The following CD226 variants were observed in gnomAD, a reference collection of about 807,000 sequenced individuals.
The protein encoded by CD226 is CD226 molecule.
In CD226, 24 loss-of-function variants were observed where a neutral mutation model predicts 34.9. The ratio of observed to expected loss-of-function variants is 0.69; its 90% CI spans 0.50 to 0.97. The LOEUF (loss-of-function observed/expected upper bound fraction) is 0.97. Among genes scored for constraint, CD226 ranks in the 50% least tolerant of loss-of-function variants. The pLI, the probability that CD226 is intolerant of heterozygous loss-of-function variation, is 0.00. For missense variants in CD226, 397 were observed against 412.7 expected, an observed-to-expected ratio of 0.96 and a Z score of 0.33; for synonymous variants, 148 against 147.4, an observed-to-expected ratio of 1.00 and a Z score of -0.03.
At chr18:69,900,733 C>A (rs1282792188) in intron 2 of CD226, among the ~76,000 whole-genome samples, 1 of 123,194 alleles carries the variant, frequency 8.1e-6, no homozygotes. Context: ...AGCGAGACTC[C>A]GTCTCAAAAA....
Position 69,901,781 on chromosome 18 carries a change from A to G in CD226, c.383-5736T>C, listed in dbSNP as rs573150952. On this transcript the variant is annotated intron_variant, in intron 2 of 5. Transcript: ENST00000582621. ...GTAGTCCCAGCTACTCAGGAGGCTG[A>G]GGCAGAAGAATGGCGTGAACCCGGG... Among the ~76,000 whole-genome samples the G allele has an allele frequency of 1.1e-3, 164 of 152,062 alleles. 1 individual carries two copies. The highest frequency in any genetic ancestry group is 3.8e-3 in the African/African-American group (158 of 41,468).
intron 2 of CD226, among the ~76,000 whole-genome samples, chr18:69,925,339 A>G (rs1010949040): frequency 5.9e-5 from 9 of 152,236 alleles, no homozygotes; most frequent in Admixed American, 6.5e-5. Context: ...ATGCAGAATG[A>G]TCTCTGCAAA....
At chr18:69,879,155 G>C (rs1261051949) in intron 3 of CD226, among the ~76,000 whole-genome samples, 1 of 152,152 alleles carries the variant, frequency 6.6e-6, no homozygotes, top group Non-Finnish European at 1.5e-5. Context: ...TCACAGGATG[G>C]GGTGAAATTA....
rs1406397821 is a variant in CD226, at chr18:69,860,968, C to G, written c.*3346G>C. 2 of 152,142 alleles carry G rather than the reference C, an allele frequency of 1.3e-5. No homozygotes were observed. Among genetic ancestry groups the G allele is most frequent in the South Asian group, 2.1e-4 (1 of 4,820 alleles). The allele number at this position is 152,142 out of a possible 1,614,324, so 9.4% of individuals were successfully genotyped here. The stretch of plus-strand genomic sequence containing the variant: ...AAATCAAGGAGAAGCATTTTGGTCA[C>G]AGTGATCTCTAATTACAATGTGGAC... On this transcript the variant is annotated 3_prime_UTR_variant, in exon 6 of 6. Transcript: ENST00000582621.
At chr18:69,934,137 T>C (rs77046844) in intron 2 of CD226, among the ~76,000 whole-genome samples, 3,651 of 152,270 alleles carry the variant, frequency 0.024, 140 homozygotes, top group African/African-American at 0.082. Flanking sequence ...GAAAAAGGTA[T>C]ACATTCAACT....
intron 2 of CD226, among the ~76,000 whole-genome samples, chr18:69,900,844 T>G (rs1450457288): frequency 6.6e-6 from 1 of 152,200 alleles, no homozygotes; most frequent in African/African-American, 2.4e-5. Context: ...GCATGTATTT[T>G]TATTGATTTT....
At chr18:69,917,482 C>A (rs776666877) in intron 2 of CD226, among the ~76,000 whole-genome samples, 52 of 152,260 alleles carry the variant, frequency 3.4e-4, no homozygotes, top group Middle Eastern at 3.4e-3. Context: ...GGTTACACAC[C>A]CCCCCAACAC....
intron 2 of CD226, among the ~76,000 whole-genome samples, chr18:69,932,673 T>A (rs953549472): frequency 2.0e-5 from 3 of 152,230 alleles, no homozygotes; most frequent in African/African-American, 7.2e-5. Flanking sequence ...GCTAACAGCA[T>A]GACCACGCTT....
At chr18:69,937,611 T>C (rs187979684) in intron 2 of CD226, among the ~76,000 whole-genome samples, 57 of 152,324 alleles carry the variant, frequency 3.7e-4, no homozygotes, top group African/African-American at 1.4e-3. Context: ...CACTGAACAT[T>C]ACATTGTACA....
In CD226 at chr18:69,858,718, C is replaced by CTTTTTTTTTTTTTTTTTT. The variant is rs71178826; in HGVS notation, c.*5578_*5595dup. On this transcript the variant is annotated 3_prime_UTR_variant, in exon 6 of 6. Transcript: ENST00000582621. ...GCCACCCCTATGTTCAAATACTTAACTTTTTTTTTTTTTTTTTTTTTTTTT... is the reference window on the plus strand; with the variant it reads ...GCCACCCCTATGTTCAAATACTTAACTTTTTTTTTTTTTTTTTTTTTTTTTTTTTTTTTTTTTTTTTTT... 12 of 44,974 alleles carry CTTTTTTTTTTTTTTTTTT rather than the reference C, an allele frequency of 2.7e-4. 5 individuals are homozygous for CTTTTTTTTTTTTTTTTTT. The highest frequency in any genetic ancestry group is 1.2e-3 in the East Asian group (2 of 1,638). 2.8% of individuals were successfully genotyped at this position (44,974 alleles called of 1,614,324 possible).
chr18:69,901,841 T>C (rs974585993), intron 2 of CD226, among the ~76,000 whole-genome samples: 6 of 150,446 alleles, frequency 4.0e-5, no homozygotes, highest in African/African-American at 1.2e-4. Context: ...ATCGCACCAC[T>C]GCACTCCAGC....
chr18:69,933,196 G>A (rs1375553251), intron 2 of CD226, among the ~76,000 whole-genome samples: 1 of 152,140 alleles, frequency 6.6e-6, no homozygotes, highest in African/African-American at 2.4e-5. Context: ...CCTCCGTGCT[G>A]TTGGTAGGGT....
At position 69,860,497 on chromosome 18, in the gene CD226, T is replaced by C. The variant is rs1039600426; in HGVS notation, c.*3817A>G. 2.0e-5 allele frequency: 3 copies of C among 152,228 alleles called. No individual in the cohort carries two copies. The highest frequency in any genetic ancestry group is 4.4e-5 in the Non-Finnish European group (3 of 68,030). 9.4% of individuals were successfully genotyped at this position (152,228 alleles called of 1,614,324 possible). ...TGCTCTGAATCTGGAAAAATATGTG[T>C]AAACCGACCTTGAGGATTTATAAAA... On this transcript the variant is annotated 3_prime_UTR_variant, in exon 6 of 6. Coordinates refer to ENST00000582621, the MANE Select transcript of CD226 (RefSeq NM_001303618.2).
rs1982749172 is a variant in CD226, at chr18:69,860,337, AG to A, written c.*3976del. On this transcript the variant is annotated 3_prime_UTR_variant, in exon 6 of 6. Transcript: ENST00000582621. ...AAATCCAAAAGTACACACTAACACT[AG>A]AAAAAGTGTTCTGAACAGGTTGACC... 6.6e-6 allele frequency: 1 copy of A among 152,248 alleles called. No individual in the cohort carries two copies. The allele number at this position is 152,248 out of a possible 1,614,324, so 9.4% of individuals were successfully genotyped here. A position where few individuals can be genotyped will look rare whatever the true frequency, so the allele number is the denominator to read the frequency against.
At chr18:69,889,929 T>C (rs1340112136) in intron 3 of CD226, among the ~76,000 whole-genome samples, 2 of 152,226 alleles carry the variant, frequency 1.3e-5, no homozygotes, top group African/African-American at 4.8e-5. Flanking sequence ...GTGCCACTTA[T>C]ATTAAAAATT....
chr18:69,855,816 T>C lies in CD226; in HGVS notation c.*8498A>G, dbSNP rs1477219230. 1 of 152,158 alleles carries C rather than the reference T, an allele frequency of 6.6e-6. No individual in the cohort carries two copies. Among genetic ancestry groups the C allele is most frequent in the Non-Finnish European group, 1.5e-5 (1 of 68,012 alleles). 9.4% of individuals were successfully genotyped at this position (152,158 alleles called of 1,614,324 possible). ...GTAGATATTAATCCAACTATATCAA[T>C]AATCACTTAAATTTGAATAATCTAA... On this transcript the variant is annotated 3_prime_UTR_variant, in exon 6 of 6. Coordinates refer to ENST00000582621, the MANE Select transcript of CD226 (RefSeq NM_001303618.2).
chr18:69,886,454 C>A (rs532035878), intron 3 of CD226, among the ~76,000 whole-genome samples: 1 of 152,090 alleles, frequency 6.6e-6, no homozygotes, highest in Non-Finnish European at 1.5e-5. Flanking sequence ...GTCTGCAATC[C>A]CGGCACTTTG....
intron 2 of CD226, among the ~76,000 whole-genome samples, chr18:69,939,260 T>C (rs915714157): frequency 1.3e-5 from 2 of 152,270 alleles, no homozygotes; most frequent in African/African-American, 2.4e-5. Context: ...TTCTGAACTT[T>C]GCTTTTCTTT....
At chr18:69,958,828 C>CACA (rs1021018375), upstream of CD226, among the ~76,000 whole-genome samples, 21 of 144,838 alleles carry the variant, frequency 1.4e-4, no homozygotes, top group African/African-American at 4.6e-4. Context: ...CACACACACA[C>CACA]ATCCTTCTCC....
Sources: gnomAD v4.1 joint callset for allele counts (sites outside exome capture counted in the v4.1 genomes callset) on GRCh38, gnomAD v4.1.1 for gene constraint, MANE v1.5 for transcripts, NCBI Gene and HGNC (gene_info 2026-07-23, HGNC 2026-07-21) for gene names.